Variants in PSMB2 observed in about 807,000 individuals in gnomAD.
The protein encoded by PSMB2 is proteasome 20S subunit beta 2.
In PSMB2, 13 loss-of-function variants were observed where a neutral mutation model predicts 25.7. The ratio of observed to expected loss-of-function variants is 0.51; its 90% CI spans 0.33 to 0.80. The LOEUF is 0.80. Among genes scored for constraint, PSMB2 ranks in the 30% least tolerant of loss-of-function variants. PSMB2 has a pLI of 0.02. For synonymous variants in PSMB2, 87 were observed against 96.2 expected (o/e 0.90, Z 0.56); for missense variants, 202 against 259.0 (o/e 0.78, Z 1.51).
intron 3 of PSMB2, among the ~76,000 whole-genome samples, chr1:35,626,729 T>A (rs1001484094): frequency 3.9e-5 from 6 of 152,236 alleles, no homozygotes; most frequent in African/African-American, 1.2e-4. Context: ...ATAACACACA[T>A]CTTATGGTGT....
chr1:35,625,717 G>A (rs778479102), intron 3 of PSMB2, among the ~76,000 whole-genome samples: 14 of 150,808 alleles, frequency 9.3e-5, no homozygotes, highest in Non-Finnish European at 1.3e-4. Context: ...AGCCGAGATC[G>A]TGCCCCTGCA....
rs764436322 is a variant in PSMB2 at position 35,636,322 on chromosome 1, T to C, written c.202A>G (p.Lys68Glu). 6.2e-7 allele frequency: 1 copy of C among 1,614,124 alleles called. No individual in the cohort carries two copies. Among genetic ancestry groups the C allele is most frequent in the Non-Finnish European group, 8.5e-7 (1 of 1,180,000 alleles). ...EYIQKNVQLY[K>E]MRNGYELSPT... is the part of the protein sequence containing the mutation. ...AAGTCTTACCCACCATTTCGCATCTTATAAAGTTGCACGTTTTTCTGAATA... is the reference window on the plus strand; with the variant it reads ...AAGTCTTACCCACCATTTCGCATCTCATAAAGTTGCACGTTTTTCTGAATA... Residue 68 changes from lysine to glutamate, a missense_variant, in exon 2 of 6, where the codon AAG becomes GAG. By Grantham distance (56) the Lys-to-Glu change is moderately conservative (BLOSUM62 1). Coordinates refer to ENST00000373237, the MANE Select transcript of PSMB2 (RefSeq NM_002794.5).
chr1:35,599,837 A>T lies in PSMB2; in HGVS notation c.*3430T>A. ...GTGAACCAGAGTAATGGGGATGGAG[A>T]TTTATAAAGATTAGGCTGGGTGCAG... On this transcript the variant is annotated 3_prime_UTR_variant, in exon 6 of 6. Transcript: ENST00000373237. 1.6e-5 allele frequency: 16 copies of T among 985,044 alleles called. No homozygotes were observed. Among genetic ancestry groups the T allele is most frequent in the Non-Finnish European group, 1.8e-5 (15 of 829,630 alleles). 61.0% of individuals were successfully genotyped at this position (985,044 alleles called of 1,614,324 possible).
rs557723653 is a variant in PSMB2 at position 35,603,293 on chromosome 1, T to C, written c.580A>G (p.Ile194Val). 7 of 1,614,100 alleles carry C rather than the reference T, an allele frequency of 4.3e-6. No homozygotes were observed. In the East Asian group the frequency reaches 1.6e-4, roughly 36 times the overall value. Residue 194 changes from isoleucine (I) to valine (V), a missense_variant, in exon 6 of 6, where the codon ATT becomes GTT. Transcript: ENST00000373237. ...DKNGIHDLDN[I>V]SFPKQGS Reference sequence around the variant, plus strand: ...TAGGAGCCCTGTTTGGGGAAGGAAATGTTATCCAGGTCATGGATGCCATTT... The same window carrying C: ...TAGGAGCCCTGTTTGGGGAAGGAAACGTTATCCAGGTCATGGATGCCATTT...
intron 3 of PSMB2, among the ~76,000 whole-genome samples, chr1:35,619,162 T>C (rs1403994715): frequency 6.6e-6 from 1 of 152,278 alleles, no homozygotes; most frequent in Non-Finnish European, 1.5e-5. Context: ...AAATTGTCTT[T>C]GTTTTCCTTT....
chr1:35,634,443 C>T (rs943245066), intron 2 of PSMB2, among the ~76,000 whole-genome samples: 1 of 152,336 alleles, frequency 6.6e-6, no homozygotes, highest in East Asian at 1.9e-4. Context: ...GTGGCACTAT[C>T]ATGGCTCACT....
intron 3 of PSMB2, among the ~76,000 whole-genome samples, chr1:35,620,226 T>C (rs576868201): frequency 6.6e-6 from 1 of 152,228 alleles, no homozygotes; most frequent in Non-Finnish European, 1.5e-5. Flanking sequence ...GGTATATGTT[T>C]TCAGATATCC....
At chr1:35,628,597 ATATATATATATATATATATAT>A (rs1650969962) in intron 3 of PSMB2, among the ~76,000 whole-genome samples, 1 of 21,576 alleles carries the variant, frequency 4.6e-5, no homozygotes, top group African/African-American at 1.4e-4. Context: ...AAAAAAAAAA[ATATATATATATATATATATAT>A]ATATATATAT....
intron 4 of PSMB2, among the ~76,000 whole-genome samples, chr1:35,605,673 G>A (rs535066161): frequency 1.2e-4 from 19 of 152,200 alleles, no homozygotes; most frequent in Admixed American, 2.6e-4. Context: ...TGCAAATCAG[G>A]GAAAGAGACG....
chr1:35,628,593 AAAAATATATATATATAT>A (rs1443525273), intron 3 of PSMB2, among the ~76,000 whole-genome samples: 5,374 of 26,326 alleles, frequency 0.2, 137 homozygotes, highest in Non-Finnish European at 0.25. Context: ...AAAAAAAAAA[AAAAATATATATATATAT>A]ATATATATAT....
chr1:35,610,275 C>T (rs1650290697), intron 3 of PSMB2, among the ~76,000 whole-genome samples: 2 of 151,852 alleles, frequency 1.3e-5, no homozygotes, highest in Admixed American at 1.3e-4. Flanking sequence ...TTGGTTTCTA[C>T]AAAAAAACTA....
chr1:35,638,976 G>A (rs2148580079), intron 1 of PSMB2, among the ~76,000 whole-genome samples: 1 of 152,306 alleles, frequency 6.6e-6, no homozygotes, highest in South Asian at 2.1e-4. Flanking sequence ...TCAGACGGCT[G>A]GGCACGGTGG....
rs1051471708 is a variant in PSMB2, at chr1:35,602,421, A to G, written c.*846T>C. On this transcript the variant is annotated 3_prime_UTR_variant, in exon 6 of 6. Coordinates refer to ENST00000373237, the MANE Select transcript of PSMB2 (RefSeq NM_002794.5). ...AGTAACAGAATATCTCTTAAAAAAC[A>G]TAAGAAATTAGTAGCTGAAGTTTCC... is the stretch of plus-strand genomic sequence containing the variant. 1 of 152,276 alleles carries G rather than the reference A, an allele frequency of 6.6e-6. No individual in the cohort carries two copies. The highest frequency in any genetic ancestry group is 1.5e-5 in the Non-Finnish European group (1 of 68,054). The allele number at this position is 152,276 out of a possible 1,614,324, so 9.4% of individuals were successfully genotyped here.
intron 1 of PSMB2, among the ~76,000 whole-genome samples, chr1:35,639,961 T>C (rs1651345178): frequency 6.6e-6 from 1 of 152,160 alleles, no homozygotes; most frequent in South Asian, 2.1e-4. Context: ...ATGTTAGCTC[T>C]AGGGCACGGA....
chr1:35,605,480 A>G lies in PSMB2; in HGVS notation c.449-198T>C, dbSNP rs139427943. Among the ~76,000 whole-genome samples the G allele has an allele frequency of 3.4e-3, 524 of 152,358 alleles. 3 individuals carry two copies. The highest frequency in any genetic ancestry group is 0.012 in the African/African-American group (506 of 41,576). ...GGGGGGGCCCCAGACCCAGTGCTCC[A>G]GCAGCTATAAGCCATTGCAAATTGA... On this transcript the variant is annotated intron_variant, in intron 4 of 5. Coordinates refer to ENST00000373237, the MANE Select transcript of PSMB2 (RefSeq NM_002794.5).
At chr1:35,638,965 A>T (rs1419439720) in intron 1 of PSMB2, among the ~76,000 whole-genome samples, 1 of 152,196 alleles carries the variant, frequency 6.6e-6, no homozygotes, top group Non-Finnish European at 1.5e-5. Context: ...GAAAAAAGTC[A>T]TCAGACGGCT....
chr1:35,600,344 G>T lies in PSMB2; in HGVS notation c.*2923C>A. The T allele has an allele frequency of 1.1e-6, 1 of 877,162 alleles. No homozygotes were observed. The highest frequency in any genetic ancestry group is 1.4e-6 in the Non-Finnish European group (1 of 731,648). The allele number at this position is 877,162 out of a possible 1,614,324, so 54.3% of individuals were successfully genotyped here. A position where few individuals can be genotyped will look rare whatever the true frequency, so the allele number is the denominator to read the frequency against. On this transcript the variant is annotated 3_prime_UTR_variant, in exon 6 of 6. Coordinates refer to ENST00000373237, the MANE Select transcript of PSMB2 (RefSeq NM_002794.5). ...TGGTAAAATCTGAATAAAGCCTGGA[G>T]CTTAGTAATACTAATACACCAACCA...
chr1:35,626,000 C>T (rs1650849768), intron 3 of PSMB2, among the ~76,000 whole-genome samples: 1 of 151,802 alleles, frequency 6.6e-6, no homozygotes, highest in Admixed American at 6.6e-5. Context: ...CCACATCTGG[C>T]TAATTTTTTG....
At chr1:35,629,845 G>A (rs1329762330) in intron 3 of PSMB2, among the ~76,000 whole-genome samples, 2 of 151,932 alleles carry the variant, frequency 1.3e-5, no homozygotes, top group African/African-American at 2.4e-5. Flanking sequence ...GAAAAAAAGA[G>A]AAACACAGAT....
Sources: allele counts gnomAD v4.1 joint callset (sites outside exome capture counted in the v4.1 genomes callset), GRCh38; gene constraint gnomAD v4.1.1; transcripts MANE v1.5; gene names NCBI Gene and HGNC (gene_info 2026-07-23, HGNC 2026-07-21).